KIAA0586: variants seen among roughly 807,000 people sequenced by gnomAD.
The protein encoded by KIAA0586 is protein TALPID3.
Under a neutral mutation model 169.8 loss-of-function variants are expected in KIAA0586, and 144 were observed. The ratio of observed to expected loss-of-function variants is 0.85; its 90% CI spans 0.74 to 0.97. The LOEUF (loss-of-function observed/expected upper bound fraction) is 0.97, where lower values mean the gene tolerates loss of function less well. KIAA0586 is among the 50% of genes least tolerant of loss of function. KIAA0586 has a pLI of 0.00. For missense variants in KIAA0586, 1,854 were observed against 1,823.0 expected, an observed-to-expected ratio of 1.02 and a Z score of -0.31; for synonymous variants, 625 against 612.4, an observed-to-expected ratio of 1.02 and a Z score of -0.30.
chr14:58,557,361 T>A, the KIAA0586 span, among the ~76,000 whole-genome samples: 91 of 152,200 alleles, frequency 6.0e-4, no homozygotes, highest in African/African-American at 2.0e-3. Context: ...TGTGCAATTG[T>A]GAGGTGGACA....
chr14:58,432,589 G>A, intron 4 of KIAA0586, 132 bp downstream of exon 4: 1 of 532,664 alleles, frequency 1.9e-6, no homozygotes, highest in Non-Finnish European at 3.3e-6. Flanking sequence ...CATTTCTCAT[G>A]GTGCTAGACA....
At position 58,517,847 on chromosome 14, in the gene KIAA0586, G is replaced by A. The variant is rs182073701; in HGVS notation, c.4429+5220G>A. On this transcript the variant is annotated intron_variant, in intron 29 of 30. Coordinates refer to ENST00000652326, the MANE Select transcript of KIAA0586 (RefSeq NM_001329943.3). The stretch of plus-strand genomic sequence containing the variant: ...ACAACAGCACAGATGAATCTCAGTT[G>A]CATTAAATGTAGTGAAAGAAGTTAA... 4.6e-5 allele frequency among the ~76,000 whole-genome samples: 7 copies of A among 152,280 alleles called. No individual in the cohort carries two copies. The East Asian group carries it at 1.3e-3, about 29-fold the overall frequency.
At chr14:58,502,656 C>T (rs1266220689) in intron 27 of KIAA0586, among the ~76,000 whole-genome samples, 2 of 152,144 alleles carry the variant, frequency 1.3e-5, no homozygotes, top group African/African-American at 2.4e-5. Flanking sequence ...ATGTAAAGTA[C>T]TAAGCTCAGT....
intron 4 of KIAA0586, chr14:58,440,264 T>C: frequency 2.4e-6 from 1 of 420,314 alleles, no homozygotes; most frequent in South Asian, 1.7e-5. Context: ...TGCTTTGCTC[T>C]GCTCTGCTTT....
In KIAA0586 at chr14:58,433,796, A is replaced by G. The variant is rs149230925; in HGVS notation, c.410+1339A>G. Among the ~76,000 whole-genome samples, 121 of 152,288 alleles carry G rather than the reference A, an allele frequency of 7.9e-4. No homozygotes were observed. The Middle Eastern group carries it at 0.01, about 13-fold the overall frequency. ...TTTGGGAGTCCAAGACAGGAGGATCACTTGAGCCCAAGAGTTTGAGACCAG... is the reference window on the plus strand; with the variant it reads ...TTTGGGAGTCCAAGACAGGAGGATCGCTTGAGCCCAAGAGTTTGAGACCAG... On this transcript the variant is annotated intron_variant, in intron 4 of 30. Transcript: ENST00000652326.
rs536225443 is a variant in KIAA0586 at position 58,549,888 on chromosome 14, C to T, written c.*1956C>T. ...GGTGTTGGTAGATTTTTCCTCCTAA[C>T]CATAGAAAGCCTGCCTTTTCTAACT... is the stretch of plus-strand genomic sequence containing the variant. On this transcript the variant is annotated 3_prime_UTR_variant, in exon 31 of 31. Coordinates refer to ENST00000652326, the MANE Select transcript of KIAA0586 (RefSeq NM_001329943.3). 2.6e-5 allele frequency: 4 copies of T among 152,242 alleles called. No homozygotes were observed. In the South Asian group the frequency reaches 8.3e-4, roughly 32 times the overall value. The allele number at this position is 152,242 out of a possible 1,614,324, so 9.4% of individuals were successfully genotyped here.
intron 25 of KIAA0586, among the ~76,000 whole-genome samples, chr14:58,490,575 T>C (rs2042773441): frequency 6.6e-6 from 1 of 152,126 alleles, no homozygotes; most frequent in Non-Finnish European, 1.5e-5. Flanking sequence ...AAACCAACTC[T>C]CTTGTAATAC....
In KIAA0586 at chr14:58,474,620, G is replaced by T; in HGVS notation, c.2648G>T (p.Cys883Phe). ...IIDVIQEEEKCDEIPDSEPIL... is the reference protein window; with the variant it reads ...IIDVIQEEEKFDEIPDSEPIL... ...TGTTACTACCAGGAAGAAGAAAAATGTGATGAAATTCCAGACTCTGAACCA... is the reference window on the plus strand; with the variant it reads ...TGTTACTACCAGGAAGAAGAAAAATTTGATGAAATTCCAGACTCTGAACCA... Residue 883 changes from cysteine (C) to phenylalanine (F), a missense_variant, in exon 19 of 31, where the codon TGT becomes TTT. Cys to Phe is a radical substitution (Grantham distance 205). Coordinates refer to ENST00000652326, the MANE Select transcript of KIAA0586 (RefSeq NM_001329943.3). The T allele has an allele frequency of 6.3e-7, 1 of 1,580,802 alleles. No homozygotes were observed. Among genetic ancestry groups the T allele is most frequent in the Non-Finnish European group, 8.6e-7 (1 of 1,168,648 alleles).
At position 58,477,239 on chromosome 14, in the gene KIAA0586, T is replaced by C. The variant is rs1262930742; in HGVS notation, c.2942T>C (p.Ile981Thr). ...ACAAGTGAACCACTGACTTCTGACA[T>C]TGGTAAGTGAAATAGAATTTTTTTT... Reference protein sequence around the residue: ...SETSEPLTSDIVEGTSSGALQ... With the variant: ...SETSEPLTSDTVEGTSSGALQ... The change falls in exon 20 of 31, where the codon ATT (isoleucine) becomes ACT (threonine). Residue 981 changes from isoleucine to threonine, a missense_variant and splice_region_variant. Ile to Thr is a moderately conservative substitution (Grantham distance 89). Transcript: ENST00000652326. 2 of 1,475,650 alleles carry C rather than the reference T, an allele frequency of 1.4e-6. No homozygotes were observed. Among genetic ancestry groups the C allele is most frequent in the East Asian group, 2.4e-5 (1 of 41,880 alleles). 91.4% of individuals were successfully genotyped at this position (1,475,650 alleles called of 1,614,324 possible).
chr14:58,508,789 G>GC lies in KIAA0586; in HGVS notation c.4323+82dup, dbSNP rs543637945. The GC allele has an allele frequency of 2.3e-4, 250 of 1,102,236 alleles. No homozygotes were observed. The Middle Eastern group carries it at 2.9e-3, about 13-fold the overall frequency. 68.3% of individuals were successfully genotyped at this position (1,102,236 alleles called of 1,614,324 possible). A position where few individuals can be genotyped will look rare whatever the true frequency, so the allele number is the denominator to read the frequency against. On this transcript the variant is annotated intron_variant, in intron 28 of 30. Transcript: ENST00000652326. ...GCCTTAGCGTGGTACCCCGTCAAGA[G>GC]CCAAGCCTCTGGAGTCAGATAGCTT...
chr14:58,450,007 A>T (rs1200170569), intron 7 of KIAA0586, among the ~76,000 whole-genome samples: 5 of 152,152 alleles, frequency 3.3e-5, no homozygotes, highest in Admixed American at 3.3e-4. Flanking sequence ...ACATAAAAAG[A>T]TTTGCCATAT....
chr14:58,507,830 A>C (rs776168719), intron 27 of KIAA0586, among the ~76,000 whole-genome samples: 50 of 151,902 alleles, frequency 3.3e-4, no homozygotes, highest in Admixed American at 7.2e-4. Context: ...TGTTACCCAG[A>C]CTGGAGTGCA....
In KIAA0586 at chr14:58,539,829, C is replaced by G. The variant is rs1354721708; in HGVS notation, c.4430-242C>G. On this transcript the variant is annotated intron_variant, in intron 29 of 30. Coordinates refer to ENST00000652326, the MANE Select transcript of KIAA0586 (RefSeq NM_001329943.3). Reference sequence around the variant, plus strand: ...TTTCTCATGACCCTTTGCTTCCCCCCCCCATCTGTGATGCATAAAGATAAT... The same window carrying G: ...TTTCTCATGACCCTTTGCTTCCCCCGCCCATCTGTGATGCATAAAGATAAT... 9.7e-6 allele frequency: 3 copies of G among 309,232 alleles called. 1 individual carries two copies. The highest frequency in any genetic ancestry group is 1.8e-5 in the Non-Finnish European group (3 of 169,998). The allele number at this position is 309,232 out of a possible 1,614,324, so 19.2% of individuals were successfully genotyped here.
At position 58,450,648 on chromosome 14, in the gene KIAA0586, G is replaced by A. The variant is rs773375756; in HGVS notation, c.1031G>A (p.Arg344His). The stretch of plus-strand genomic sequence containing the variant: ...TCTCCTTTGGAGACACCAGCACCTC[G>A]CAGATTTGCTCCTGTACCTGTTTCA... ...QKSPLETPAP[R>H]RFAPVPVSRD... Residue 344 changes from arginine (R) to histidine (H), a missense_variant, in exon 8 of 31, where the codon CGC becomes CAC. By Grantham distance (29) the Arg-to-His change is conservative. Transcript: ENST00000652326. The A allele has an allele frequency of 6.6e-5, 107 of 1,609,462 alleles. No homozygotes were observed. Among genetic ancestry groups the A allele is most frequent in the Non-Finnish European group, 8.6e-5 (101 of 1,176,006 alleles).
At chr14:58,537,805 G>T (rs564257551) in intron 29 of KIAA0586, among the ~76,000 whole-genome samples, 3 of 151,832 alleles carry the variant, frequency 2.0e-5, no homozygotes, top group African/African-American at 7.3e-5. Context: ...CTGCCACCAC[G>T]CCCGGCTAAT....
chr14:58,453,890 A>T (rs918140947), intron 9 of KIAA0586, among the ~76,000 whole-genome samples: 2 of 152,190 alleles, frequency 1.3e-5, no homozygotes, highest in Non-Finnish European at 2.9e-5. Flanking sequence ...AATTTTACAT[A>T]ATAAAAAGTT....
At chr14:58,509,262 A>G (rs2044217141) in intron 28 of KIAA0586, among the ~76,000 whole-genome samples, 1 of 152,134 alleles carries the variant, frequency 6.6e-6, no homozygotes, top group Non-Finnish European at 1.5e-5. Flanking sequence ...TAATATATAT[A>G]AAAGTAAGGT....
At chr14:58,515,962 T>A (rs927015168) in intron 29 of KIAA0586, among the ~76,000 whole-genome samples, 2 of 152,056 alleles carry the variant, frequency 1.3e-5, no homozygotes, top group African/African-American at 2.4e-5. Context: ...GCAGAGCAAC[T>A]AAGTAGCCTA....
chr14:58,507,097 A>G (rs2044012485), intron 27 of KIAA0586, among the ~76,000 whole-genome samples: 3 of 151,150 alleles, frequency 2.0e-5, no homozygotes, highest in South Asian at 2.1e-4. Context: ...GCAGGGGGCC[A>G]TGATCATGCC....
Sources: allele counts gnomAD v4.1 joint callset (sites outside exome capture counted in the v4.1 genomes callset), GRCh38; gene constraint gnomAD v4.1.1; transcripts MANE v1.5; gene names NCBI Gene and HGNC (gene_info 2026-07-23, HGNC 2026-07-21).